The following OTOA variants were observed in gnomAD, a reference collection of about 807,000 sequenced individuals.
OTOA encodes otoancorin.
A neutral mutation model predicts 110.8 loss-of-function variants in OTOA; 70 were observed. The ratio of observed to expected loss-of-function variants is 0.63; its 90% CI spans 0.52 to 0.77. The LOEUF is 0.77. Among genes scored for constraint, OTOA ranks in the 30% least tolerant of loss-of-function variants. OTOA has a pLI of 0.00. For missense variants in OTOA, 917 were observed against 1,075.8 expected (o/e 0.85, Z 2.06); for synonymous variants, 373 against 431.5 (o/e 0.86, Z 1.68).
rs1266140139 is a variant in OTOA at position 21,715,110 on chromosome 16, A to G, written c.1446A>G (p.Val482=). The G allele has an allele frequency of 1.2e-6, 2 of 1,614,202 alleles. No individual in the cohort carries two copies. The highest frequency in any genetic ancestry group is 1.7e-6 in the Non-Finnish European group (2 of 1,180,028). The change falls in exon 14 of 29, where the codon GTA becomes GTG. Residue 482 remains valine (V), a synonymous_variant. Transcript: ENST00000646100. ...TGAGAAGTGCCGTCTCCCAGTATGT[A>G]TCCGACTTGTCACCTGCCCAGCAGC... ...QVLRSAVSQY[V]SDLSPAQQQG...
At chr16:21,731,275 A>G (rs1361305365) in intron 21 of OTOA, among the ~76,000 whole-genome samples, 2 of 152,254 alleles carry the variant, frequency 1.3e-5, no homozygotes, top group Admixed American at 6.5e-5. Flanking sequence ...ATGTATGTCC[A>G]GTGTATGCAA....
chr16:21,704,958 T>G, intron 11 of OTOA: 1 of 817,792 alleles, frequency 1.2e-6, no homozygotes, highest in South Asian at 1.3e-5. Flanking sequence ...ACTTCATAAT[T>G]CAGCCCCCAT....
In OTOA at chr16:21,715,072, A is replaced by G. The variant is rs972057868; in HGVS notation, c.1408A>G (p.Ile470Val). The G allele has an allele frequency of 5.6e-6, 9 of 1,614,216 alleles. No individual in the cohort carries two copies. Among genetic ancestry groups the G allele is most frequent in the Non-Finnish European group, 7.6e-6 (9 of 1,180,008 alleles). ...CTTCTGCAGCATGAAACGCAAGGACATCTCGCAGGTCCTGAGAAGTGCCGT... is the reference window on the plus strand; with the variant it reads ...CTTCTGCAGCATGAAACGCAAGGACGTCTCGCAGGTCCTGAGAAGTGCCGT... Reference protein sequence around the residue: ...QAFCSMKRKDISQVLRSAVSQ... With the variant: ...QAFCSMKRKDVSQVLRSAVSQ... Residue 470 changes from isoleucine (I) to valine (V), a missense_variant, in exon 14 of 29, where the codon ATC (isoleucine) becomes GTC (valine). Physicochemically the swap from Ile to Val is conservative, Grantham distance 29. Around this residue, in one of 6 missense-constraint regions of OTOA, gnomAD observed 840 missense variants for 910.2 expected, o/e 0.92. Transcript: ENST00000646100.
intron 8 of OTOA, among the ~76,000 whole-genome samples, chr16:21,690,490 C>T (rs1897807795): frequency 6.6e-6 from 1 of 152,068 alleles, no homozygotes; most frequent in East Asian, 1.9e-4. Context: ...TAATGGCTTC[C>T]AGGTCCATTC....
At chr16:21,677,725 G>A (rs558553867) in intron 1 of OTOA, among the ~76,000 whole-genome samples, 2 of 151,864 alleles carry the variant, frequency 1.3e-5, no homozygotes, top group East Asian at 1.9e-4. Flanking sequence ...CTCATGATCC[G>A]CCCACCTCAG....
At chr16:21,686,577 G>A (rs1897715674) in intron 7 of OTOA, among the ~76,000 whole-genome samples, 2 of 152,262 alleles carry the variant, frequency 1.3e-5, no homozygotes, top group South Asian at 2.1e-4. Flanking sequence ...ATAGATGTGA[G>A]CCACTGTTCC....
intron 13 of OTOA, among the ~76,000 whole-genome samples, chr16:21,714,532 A>G (rs1467613149): frequency 7.6e-6 from 1 of 131,732 alleles, no homozygotes; most frequent in East Asian, 2.1e-4. Flanking sequence ...TTTCTTTCTG[A>G]CAGAGTTTTG....
Position 21,726,540 on chromosome 16 carries a change from C to T in OTOA, c.1898C>T (p.Ser633Phe). Residue 633 changes from serine to phenylalanine, a missense_variant, in exon 19 of 29, where the codon TCT becomes TTT. Coordinates refer to ENST00000646100, the MANE Select transcript of OTOA (RefSeq NM_144672.4). ...LAALPARYLASVPASQCVPFL... is the reference protein window; with the variant it reads ...LAALPARYLAFVPASQCVPFL... Reference sequence around the variant, plus strand: ...CTCTCCAGGGCCCGCTACCTGGCTTCTGTCCCAGCCTCCCAGTGTGTGCCC... The same window carrying T: ...CTCTCCAGGGCCCGCTACCTGGCTTTTGTCCCAGCCTCCCAGTGTGTGCCC... The T allele has an allele frequency of 6.2e-7, 1 of 1,613,954 alleles. No individual in the cohort carries two copies.
At chr16:21,735,414 C>T (rs1208347095) in intron 21 of OTOA, among the ~76,000 whole-genome samples, 1 of 151,922 alleles carries the variant, frequency 6.6e-6, no homozygotes, top group Non-Finnish European at 1.5e-5. Context: ...TTGTATTTAA[C>T]CATTCATGAG....
In OTOA at chr16:21,681,720, G is replaced by C; in HGVS notation, c.180-18G>C. The C allele has an allele frequency of 6.2e-7, 1 of 1,600,328 alleles. No homozygotes were observed. Among genetic ancestry groups the C allele is most frequent in the Non-Finnish European group, 8.6e-7 (1 of 1,167,610 alleles). On this transcript the variant is annotated intron_variant, in intron 5 of 28. Transcript: ENST00000646100. ...GAATCTGTCATTGTGATCTTTTCCT[G>C]TCTGTCTTCAACTGAAGCTCCCACG...
intron 21 of OTOA, among the ~76,000 whole-genome samples, chr16:21,732,197 C>A (rs1899137587): frequency 6.6e-6 from 1 of 152,220 alleles, no homozygotes; most frequent in Non-Finnish European, 1.5e-5. Context: ...AACTCCTGAC[C>A]TCAAGTGATC....
intron 28 of OTOA, among the ~76,000 whole-genome samples, chr16:21,758,914 G>A (rs1323461790): frequency 6.6e-6 from 1 of 151,742 alleles, no homozygotes; most frequent in African/African-American, 2.4e-5. Flanking sequence ...AGGCAGGAGA[G>A]TTGCTTGAAC....
chr16:21,701,112 G>A (rs1222317892), intron 11 of OTOA, 85 bp downstream of exon 11: 2 of 1,583,484 alleles, frequency 1.3e-6, no homozygotes, highest in South Asian at 1.1e-5. Context: ...AAACACCCAG[G>A]GAGGGAAGGG....
At chr16:21,673,236 C>G (rs1290202143) in intron 1 of OTOA, among the ~76,000 whole-genome samples, 1 of 152,132 alleles carries the variant, frequency 6.6e-6, no homozygotes, top group African/African-American at 2.4e-5. Flanking sequence ...CCAGTTTCCC[C>G]CATTGGTTAC....
intron 17 of OTOA, 142 bp downstream of exon 17, chr16:21,719,646 T>A (rs1898669069): frequency 2.4e-6 from 2 of 819,526 alleles, no homozygotes; most frequent in African/African-American, 3.3e-5. Flanking sequence ...TTGAGCCAGG[T>A]TTTTTCCAGT....
chr16:21,715,152 G>A lies in OTOA; in HGVS notation c.1488G>A (p.Lys496=). The A allele has an allele frequency of 6.2e-7, 1 of 1,614,128 alleles. No individual in the cohort carries two copies. The highest frequency in any genetic ancestry group is 8.5e-7 in the Non-Finnish European group (1 of 1,179,998). Residue 496 remains lysine, a splice_region_variant and synonymous_variant, in exon 14 of 29, where the codon AAG becomes AAA. Coordinates refer to ENST00000646100, the MANE Select transcript of OTOA (RefSeq NM_144672.4). ...CCCAGCAGCAAGGTATCCTCAGCAA[G>A]GTGAGAGGAAGATGTCTGGTGCTCA... ...SPAQQQGILS[K]MVQAEDTAPG...
rs779754167 is a variant in OTOA at position 21,714,965 on chromosome 16, C to T, written c.1321-20C>T. ...GAAAGGCGGGAGCAGAGCCTGACTG[C>T]GCAGCCGCTCCTCTTCCAGGTGCTG... On this transcript the variant is annotated intron_variant, in intron 13 of 28. Transcript: ENST00000646100. 138 of 1,613,736 alleles carry T rather than the reference C, an allele frequency of 8.6e-5. 1 individual carries two copies. The highest frequency in any genetic ancestry group is 5.0e-4 in the Middle Eastern group (3 of 5,980).
intron 9 of OTOA, 152 bp downstream of exon 9, chr16:21,691,839 AG>A: frequency 1.5e-6 from 1 of 676,258 alleles, no homozygotes; most frequent in Non-Finnish European, 2.6e-6. Flanking sequence ...TGGCTTATGG[AG>A]TAAAACACAT....
Position 21,728,421 on chromosome 16 carries a change from G to C in OTOA, c.2197G>C (p.Gly733Arg), listed in dbSNP as rs757707448. The C allele has an allele frequency of 6.2e-7, 1 of 1,613,916 alleles. No homozygotes were observed. The highest frequency in any genetic ancestry group is 8.5e-7 in the Non-Finnish European group (1 of 1,179,944). Reference protein sequence around the residue: ...QKAAVRLKLLGQYGLPQHWTA... With the variant: ...QKAAVRLKLLRQYGLPQHWTA... ...GGCTGCAGTGAGGCTCAAGCTCCTG[G>C]GACAGTATGGGTGAGGAGCGGCTGG... Residue 733 changes from glycine (G) to arginine (R), a missense_variant, in exon 20 of 29, where the codon GGA becomes CGA. This residue lies in a region of OTOA where 840 missense variants were observed against 910.2 expected (regional missense o/e 0.92). Coordinates refer to ENST00000646100, the MANE Select transcript of OTOA (RefSeq NM_144672.4).
Sources: allele counts gnomAD v4.1 joint callset (sites outside exome capture counted in the v4.1 genomes callset), GRCh38; gene constraint gnomAD v4.1.1; regional missense constraint gnomAD v4.1.1; transcripts MANE v1.5; gene names NCBI Gene and HGNC (gene_info 2026-07-23, HGNC 2026-07-21).